The following LUC7L variants were observed in gnomAD, a reference collection of about 807,000 sequenced individuals.
The protein encoded by LUC7L is LUC7 like, also known as putative RNA-binding protein Luc7-like 1.
In LUC7L, 29 loss-of-function variants were observed where a neutral mutation model predicts 51.1. The observed-to-expected ratio is 0.57, with a 90% CI of 0.42 to 0.77. The LOEUF is 0.77. Among genes scored for constraint, LUC7L ranks in the 30% least tolerant of loss-of-function variants. The pLI, the probability that LUC7L is intolerant of heterozygous loss-of-function variation, is 0.00. For synonymous variants in LUC7L, 181 were observed against 180.7 expected (o/e 1.00, Z -0.01); for missense variants, 403 against 511.9 (o/e 0.79, Z 2.05).
chr16:189,576 G>C (rs2048954180), intron 9 of LUC7L: 1 of 1,375,154 alleles, frequency 7.3e-7, no homozygotes, highest in East Asian at 2.6e-5. Flanking sequence ...CATAAACAGT[G>C]CAAAGGAGAA....
At position 189,676 on chromosome 16, in the gene LUC7L, G is replaced by C. The variant is rs981501247; in HGVS notation, c.974+292C>G. Reference sequence around the variant, plus strand: ...ACAAAAACCAAAACAGAGGTAAGCAGGGCCTGGTCAGGACACAAGTCTCAG... The same window carrying C: ...ACAAAAACCAAAACAGAGGTAAGCACGGCCTGGTCAGGACACAAGTCTCAG... On this transcript the variant is annotated intron_variant, in intron 9 of 9. Coordinates refer to ENST00000293872, the MANE Select transcript of LUC7L (RefSeq NM_201412.3). The C allele has an allele frequency of 9.0e-6, 12 of 1,334,578 alleles. No individual in the cohort carries two copies. The African/African-American group carries it at 1.8e-4, about 19-fold the overall frequency. The allele number at this position is 1,334,578 out of a possible 1,614,324, so 82.7% of individuals were successfully genotyped here.
At position 192,533 on chromosome 16, in the gene LUC7L, A is replaced by G. The variant is rs146839044; in HGVS notation, c.776+394T>C. ...TTTTTTTTTTTTTTGGTTGAGATGG[A>G]GTCTCTGTTGCCCAGGCTAGAGTGC... On this transcript the variant is annotated intron_variant, in intron 7 of 9. Transcript: ENST00000293872. Among the ~76,000 whole-genome samples the G allele has an allele frequency of 6.2e-3, 737 of 118,844 alleles. 7 individuals are homozygous for G. Among genetic ancestry groups the G allele is most frequent in the Middle Eastern group, 0.049 (8 of 164 alleles). The allele number at this position is 118,844 out of a possible 152,430, so 78.0% of individuals were successfully genotyped here.
intron 4 of LUC7L, among the ~76,000 whole-genome samples, chr16:207,366 T>C (rs771760513): frequency 6.6e-6 from 1 of 152,108 alleles, no homozygotes; most frequent in East Asian, 1.9e-4. Context: ...GGGATACACA[T>C]GTGCACCACC....
intron 3 of LUC7L, among the ~76,000 whole-genome samples, chr16:218,253 G>C (rs565542815): frequency 6.6e-6 from 1 of 152,080 alleles, no homozygotes; most frequent in South Asian, 2.1e-4. Context: ...TGCAAGCGGA[G>C]GGACCCTTTC....
At chr16:197,842 G>C (rs1003094517) in intron 6 of LUC7L, among the ~76,000 whole-genome samples, 4 of 152,212 alleles carry the variant, frequency 2.6e-5, no homozygotes, top group Non-Finnish European at 5.9e-5. Flanking sequence ...TACAGGGGGA[G>C]GCTGGCTAAT....
rs565883061 is a variant in LUC7L at position 228,748 on chromosome 16, G to A, written c.61+531C>T. 14 of 1,265,926 alleles carry A rather than the reference G, an allele frequency of 1.1e-5. No individual in the cohort carries two copies. In the East Asian group the frequency reaches 6.2e-4, roughly 56 times the overall value. The allele number at this position is 1,265,926 out of a possible 1,614,324, so 78.4% of individuals were successfully genotyped here. A position where few individuals can be genotyped will look rare whatever the true frequency, so the allele number is the denominator to read the frequency against. On this transcript the variant is annotated intron_variant, in intron 1 of 9. Coordinates refer to ENST00000293872, the MANE Select transcript of LUC7L (RefSeq NM_201412.3). The stretch of plus-strand genomic sequence containing the variant: ...TACACAGAGGCTCTCCTGTGTGCTG[G>A]GGGGAAGGGGGCAGCTGGAAAAGTA...
chr16:221,729 G>A (rs1035165872), intron 2 of LUC7L, among the ~76,000 whole-genome samples: 1 of 151,994 alleles, frequency 6.6e-6, no homozygotes, highest in Non-Finnish European at 1.5e-5. Flanking sequence ...AAAAGGAAAG[G>A]GCCAGAAAAC....
At chr16:227,617 C>A in intron 1 of LUC7L, 3 of 1,234,694 alleles carry the variant, frequency 2.4e-6, no homozygotes, top group African/African-American at 1.5e-5. Flanking sequence ...CACCAAAAGG[C>A]CATTGGCTCC....
intron 3 of LUC7L, among the ~76,000 whole-genome samples, chr16:219,133 G>A (rs2049894588): frequency 6.6e-6 from 1 of 151,828 alleles, no homozygotes; most frequent in Non-Finnish European, 1.5e-5. Context: ...GCTCACAGCT[G>A]TAATCCCAGC....
At chr16:222,411 G>C (rs1177529282) in intron 2 of LUC7L, among the ~76,000 whole-genome samples, 1 of 151,900 alleles carries the variant, frequency 6.6e-6, no homozygotes, top group Non-Finnish European at 1.5e-5. Flanking sequence ...GGCAAGATGG[G>C]AGGATCACTT....
intron 6 of LUC7L, among the ~76,000 whole-genome samples, chr16:196,988 A>G (rs1033325664): frequency 8.0e-5 from 12 of 149,458 alleles, no homozygotes; most frequent in Non-Finnish European, 1.6e-4. Context: ...GCTCAGTGCA[A>G]GCTCCGCCTC....
At chr16:199,308 T>C in intron 5 of LUC7L, 70 bp from the exon 6 acceptor site, 1 of 969,584 alleles carries the variant, frequency 1.0e-6, no homozygotes, top group South Asian at 1.7e-5. Flanking sequence ...ATCTCCAAAA[T>C]GAAAATATTT....
intron 1 of LUC7L, chr16:228,112 G>A (rs1245870807): frequency 1.7e-6 from 2 of 1,153,756 alleles, no homozygotes; most frequent in Non-Finnish European, 2.2e-6. Context: ...AAAAGTAAAG[G>A]TAAAGTGGTA....
chr16:208,547 C>T (rs1455418914), intron 3 of LUC7L: 6 of 855,226 alleles, frequency 7.0e-6, no homozygotes, highest in African/African-American at 1.9e-5. Context: ...AGCCTAGACT[C>T]GTGCTGGAGG....
intron 3 of LUC7L, among the ~76,000 whole-genome samples, chr16:215,157 A>G (rs2049754681): frequency 6.6e-6 from 1 of 152,138 alleles, no homozygotes; most frequent in African/African-American, 2.4e-5. Flanking sequence ...CTTAAGACAC[A>G]TTCCCAACAG....
At chr16:189,863 G>A (rs1331757374) in intron 9 of LUC7L, 105 bp downstream of exon 9, 1 of 1,504,942 alleles carries the variant, frequency 6.6e-7, no homozygotes, top group Non-Finnish European at 8.9e-7. Context: ...ACTCCTGAGG[G>A]TGAGCCCAGC....
chr16:218,924 CAAAAAAAAAAAAA>C (rs33981903), intron 3 of LUC7L, among the ~76,000 whole-genome samples: 5 of 38,824 alleles, frequency 1.3e-4, no homozygotes, highest in Non-Finnish European at 1.7e-4. Flanking sequence ...AACCCTGTCT[CAAAAAAAAAAAAA>C]AAAAAAAAAA....
intron 5 of LUC7L, among the ~76,000 whole-genome samples, chr16:204,990 T>C (rs1227347141): frequency 6.6e-6 from 1 of 152,184 alleles, no homozygotes; most frequent in Non-Finnish European, 1.5e-5. Flanking sequence ...ACGTGGTGTT[T>C]CAAGGGGATA....
chr16:191,480 T>C (rs1005657782), intron 7 of LUC7L, among the ~76,000 whole-genome samples: 3 of 152,118 alleles, frequency 2.0e-5, no homozygotes, highest in African/African-American at 4.8e-5. Flanking sequence ...ATGCAAAAAA[T>C]GGATTGTGTG....
Sources: allele counts gnomAD v4.1 joint callset (sites outside exome capture counted in the v4.1 genomes callset), GRCh38; gene constraint gnomAD v4.1.1; transcripts MANE v1.5; gene names NCBI Gene and HGNC (gene_info 2026-07-23, HGNC 2026-07-21).